The following PIP4K2A variants were observed in gnomAD, a reference collection of about 807,000 sequenced individuals.
PIP4K2A encodes the protein phosphatidylinositol-5-phosphate 4-kinase type 2 alpha, also known as phosphatidylinositol 5-phosphate 4-kinase type-2 alpha.
PIP4K2A carries 14 observed loss-of-function variants against 42.9 expected under a neutral mutation model. That is an observed-to-expected ratio of 0.33 (90% confidence interval 0.22 to 0.51). The LOEUF is 0.51. Ranked by LOEUF, PIP4K2A falls within the 20% of genes least tolerant of loss-of-function variation. The pLI is 0.97. For synonymous variants in PIP4K2A, 192 were observed against 192.2 expected, an observed-to-expected ratio of 1.00 and a Z score of 0.01; for missense variants, 434 against 519.8, an observed-to-expected ratio of 0.83 and a Z score of 1.61.
intron 1 of PIP4K2A, among the ~76,000 whole-genome samples, chr10:22,636,833 G>A (rs905548597): frequency 6.6e-6 from 1 of 152,190 alleles, no homozygotes; most frequent in Non-Finnish European, 1.5e-5. Context: ...TTTGGCCAGT[G>A]GGCAATCAGC....
chr10:22,592,264 G>C (rs963409401), intron 3 of PIP4K2A, among the ~76,000 whole-genome samples: 5 of 152,182 alleles, frequency 3.3e-5, no homozygotes, highest in African/African-American at 1.2e-4. Flanking sequence ...TTACAGATGA[G>C]GAGATGGGAA....
At chr10:22,688,937 A>C (rs1248800508) in intron 1 of PIP4K2A, among the ~76,000 whole-genome samples, 1 of 152,222 alleles carries the variant, frequency 6.6e-6, no homozygotes, top group Non-Finnish European at 1.5e-5. Flanking sequence ...GCTTGTTATA[A>C]TTTATCACCC....
intron 1 of PIP4K2A, among the ~76,000 whole-genome samples, chr10:22,614,789 C>T (rs986804605): frequency 2.0e-5 from 3 of 152,220 alleles, no homozygotes; most frequent in African/African-American, 4.8e-5. Flanking sequence ...GAAAAACTCT[C>T]TCCTTTAGCC....
At chr10:22,559,760 C>T (rs896612755) in intron 6 of PIP4K2A, among the ~76,000 whole-genome samples, 49 of 152,184 alleles carry the variant, frequency 3.2e-4, no homozygotes, top group Admixed American at 3.2e-3. Flanking sequence ...TGCTGAACCA[C>T]ATCTCTGGAG....
intron 3 of PIP4K2A, among the ~76,000 whole-genome samples, chr10:22,607,585 G>A (rs1412877138): frequency 6.6e-6 from 1 of 152,066 alleles, no homozygotes; most frequent in Non-Finnish European, 1.5e-5. Flanking sequence ...ACTCACACAG[G>A]CTACTGACAT....
intron 1 of PIP4K2A, among the ~76,000 whole-genome samples, chr10:22,672,673 T>G (rs1839478990): frequency 6.6e-6 from 1 of 152,032 alleles, no homozygotes; most frequent in Non-Finnish European, 1.5e-5. Flanking sequence ...GAAGGGCCTA[T>G]TAAGAAGGGG....
chr10:22,612,146 C>A (rs1838057895), intron 1 of PIP4K2A, among the ~76,000 whole-genome samples: 1 of 152,186 alleles, frequency 6.6e-6, no homozygotes, highest in Non-Finnish European at 1.5e-5. Context: ...TTTTCCTTCC[C>A]CACCCATCCT....
chr10:22,671,580 TA>T (rs1175930903), intron 1 of PIP4K2A, among the ~76,000 whole-genome samples: 2 of 152,030 alleles, frequency 1.3e-5, no homozygotes, highest in African/African-American at 4.8e-5. Context: ...TGCGAGTCAT[TA>T]GGGGCATTGT....
At chr10:22,668,836 G>A (rs904292480) in intron 1 of PIP4K2A, among the ~76,000 whole-genome samples, 3 of 152,160 alleles carry the variant, frequency 2.0e-5, no homozygotes, top group African/African-American at 7.2e-5. Context: ...GATGCTTCAA[G>A]CAAAACATGG....
chr10:22,579,516 C>G (rs1837208417), intron 4 of PIP4K2A, among the ~76,000 whole-genome samples: 1 of 152,206 alleles, frequency 6.6e-6, no homozygotes, highest in African/African-American at 2.4e-5. Context: ...CAGCTCCTCC[C>G]TATCCTCACC....
At chr10:22,705,203 G>A (rs1166709645) in intron 1 of PIP4K2A, among the ~76,000 whole-genome samples, 1 of 151,878 alleles carries the variant, frequency 6.6e-6, no homozygotes, top group Non-Finnish European at 1.5e-5. Flanking sequence ...TAACACTTCC[G>A]GGTCGAGTGT....
intron 1 of PIP4K2A, among the ~76,000 whole-genome samples, chr10:22,710,387 C>T (rs989564506): frequency 2.6e-5 from 4 of 152,254 alleles, no homozygotes; most frequent in Non-Finnish European, 5.9e-5. Context: ...GTTTTTATAA[C>T]TGCTTAGTCC....
intron 3 of PIP4K2A, among the ~76,000 whole-genome samples, chr10:22,592,913 A>C (rs1837546511): frequency 6.6e-6 from 1 of 152,246 alleles, no homozygotes; most frequent in Non-Finnish European, 1.5e-5. Context: ...GTGGGCATTC[A>C]AAGGCCTCAG....
At chr10:22,574,155 C>A (rs1837055978) in intron 4 of PIP4K2A, among the ~76,000 whole-genome samples, 1 of 149,084 alleles carries the variant, frequency 6.7e-6, no homozygotes, top group South Asian at 2.2e-4. Flanking sequence ...CAGAGGGCCA[C>A]AAGATGGAGC....
chr10:22,709,951 T>G (rs1037882411), intron 1 of PIP4K2A, among the ~76,000 whole-genome samples: 3 of 152,024 alleles, frequency 2.0e-5, no homozygotes, highest in Non-Finnish European at 4.4e-5. Flanking sequence ...TTAATTTTAA[T>G]GTAATTGCCT....
Position 22,657,779 on chromosome 10 carries a change from A to C in PIP4K2A, c.145-48062T>G, listed in dbSNP as rs552149059. On this transcript the variant is annotated intron_variant, in intron 1 of 9. Transcript: ENST00000376573. ...TGTAGCTGGCCTGCCCACTTGAAAA[A>C]CTGAAACCCATTTTGCCCAGGCATG... 6.4e-4 allele frequency among the ~76,000 whole-genome samples: 97 copies of C among 152,344 alleles called. No homozygotes were observed. In the South Asian group the frequency reaches 0.019, roughly 31 times the overall value.
chr10:22,590,992 C>A (rs996065380), intron 4 of PIP4K2A, among the ~76,000 whole-genome samples: 2 of 152,192 alleles, frequency 1.3e-5, no homozygotes, highest in Admixed American at 6.5e-5. Context: ...CCTCTCACAG[C>A]GCGGGCTGGG....
At chr10:22,675,297 T>C (rs142487320) in intron 1 of PIP4K2A, among the ~76,000 whole-genome samples, 1 of 152,138 alleles carries the variant, frequency 6.6e-6, no homozygotes, top group East Asian at 1.9e-4. Flanking sequence ...TAGAACATTG[T>C]TGAGGAGAAG....
chr10:22,629,170 T>C (rs1249187661), intron 1 of PIP4K2A, among the ~76,000 whole-genome samples: 1 of 152,240 alleles, frequency 6.6e-6, no homozygotes, highest in African/African-American at 2.4e-5. Context: ...TAAGGATTAT[T>C]AAGCTTTAAT....
Sources: gnomAD v4.1 joint callset for allele counts (sites outside exome capture counted in the v4.1 genomes callset) on GRCh38, gnomAD v4.1.1 for gene constraint, MANE v1.5 for transcripts, NCBI Gene and HGNC (gene_info 2026-07-23, HGNC 2026-07-21) for gene names.